ERG: variants seen among roughly 807,000 people sequenced by gnomAD.
ERG encodes the protein transcriptional regulator ERG.
ERG carries 9 observed loss-of-function variants against 55.3 expected under a neutral mutation model. The observed-to-expected ratio is 0.16, with a 90% CI of 0.10 to 0.28. The LOEUF (loss-of-function observed/expected upper bound fraction) is 0.28, where lower values mean the gene tolerates loss of function less well. Among genes scored for constraint, ERG ranks in the 10% least tolerant of loss-of-function variants. The probability of loss-of-function intolerance (pLI) is 1.00; values close to 1 mark genes in which losing one functional copy is unlikely to be tolerated. For missense variants in ERG, 434 were observed against 631.6 expected, an observed-to-expected ratio of 0.69 and a Z score of 3.35; for synonymous variants, 223 against 237.3, an observed-to-expected ratio of 0.94 and a Z score of 0.55.
intron 2 of ERG, among the ~76,000 whole-genome samples, chr21:38,523,263 C>A (rs2146753490): frequency 1.3e-5 from 2 of 152,286 alleles, no homozygotes; most frequent in East Asian, 3.9e-4. Flanking sequence ...CCTGCCTGAG[C>A]TTTCGACTTT....
intron 5 of ERG, 127 bp from the exon 6 acceptor site, chr21:38,400,772 A>G: frequency 1.6e-6 from 1 of 644,558 alleles, no homozygotes; most frequent in Non-Finnish European, 2.7e-6. Flanking sequence ...CTGCCTTAAC[A>G]GAGCTCCGGA....
intron 1 of ERG, among the ~76,000 whole-genome samples, chr21:38,611,386 A>G (rs954743383): frequency 2.0e-5 from 3 of 152,058 alleles, no homozygotes; most frequent in Admixed American, 6.6e-5. Context: ...GCCCTTAGGG[A>G]ACCTGGCAGC....
At chr21:38,387,792 A>G (rs1158993778) in intron 9 of ERG, among the ~76,000 whole-genome samples, 1 of 152,218 alleles carries the variant, frequency 6.6e-6, no homozygotes, top group Non-Finnish European at 1.5e-5. Context: ...TGTGCCATGC[A>G]CCATTCTAAA....
chr21:38,641,199 G>T (rs547053503), intron 1 of ERG, among the ~76,000 whole-genome samples: 1 of 152,140 alleles, frequency 6.6e-6, no homozygotes, highest in Non-Finnish European at 1.5e-5. Context: ...GAGCTGGGGG[G>T]CCTTTGGGAG....
At chr21:38,500,136 G>A (rs924787076), upstream of ERG, among the ~76,000 whole-genome samples, 3 of 152,214 alleles carry the variant, frequency 2.0e-5, no homozygotes, top group Admixed American at 6.5e-5. Context: ...GCTTCCCTGA[G>A]TGTCCTTGCT....
chr21:38,558,326 TTA>T (rs752239560), intron 2 of ERG, among the ~76,000 whole-genome samples: 31 of 152,170 alleles, frequency 2.0e-4, no homozygotes, highest in Non-Finnish European at 2.8e-4. Context: ...GCAAGAAACT[TTA>T]AACTGAATAG....
At chr21:38,481,715 A>T (rs966971603) in intron 1 of ERG, among the ~76,000 whole-genome samples, 4 of 152,220 alleles carry the variant, frequency 2.6e-5, no homozygotes, top group Non-Finnish European at 5.9e-5. Flanking sequence ...CTGTGTTGTA[A>T]TTTGCCTGAT....
At chr21:38,405,043 A>C (rs1240691484) in intron 3 of ERG, among the ~76,000 whole-genome samples, 1 of 152,066 alleles carries the variant, frequency 6.6e-6, no homozygotes, top group Non-Finnish European at 1.5e-5. Context: ...GCTACATAGA[A>C]GAAAGAAATT....
chr21:38,550,359 A>G (rs1482076893), intron 2 of ERG, among the ~76,000 whole-genome samples: 2 of 152,158 alleles, frequency 1.3e-5, no homozygotes, highest in South Asian at 2.1e-4. Flanking sequence ...GTGTTTGTCA[A>G]CTGCAATGTG....
At chr21:38,424,204 C>CTCTCTCTCTG (rs1420833564) in intron 2 of ERG, among the ~76,000 whole-genome samples, 1 of 146,084 alleles carries the variant, frequency 6.8e-6, no homozygotes, top group African/African-American at 2.4e-5. Context: ...CTCTCTCTCT[C>CTCTCTCTCTG]TCTCTCTCTC....
At chr21:38,485,873 A>G (rs903169460) in intron 1 of ERG, among the ~76,000 whole-genome samples, 5 of 151,968 alleles carry the variant, frequency 3.3e-5, no homozygotes, top group Non-Finnish European at 5.9e-5. Context: ...TGCAAGCTCC[A>G]TTCATGGTAA....
intron 1 of ERG, among the ~76,000 whole-genome samples, chr21:38,631,922 A>G (rs1439031307): frequency 6.6e-6 from 1 of 151,996 alleles, no homozygotes; most frequent in African/African-American, 2.4e-5. Context: ...TTCTGCTTGA[A>G]TCATCACTCC....
At chr21:38,412,800 G>A (rs1432757425) in intron 3 of ERG, among the ~76,000 whole-genome samples, 2 of 151,928 alleles carry the variant, frequency 1.3e-5, no homozygotes, top group African/African-American at 4.8e-5. Flanking sequence ...TTGGTTGGGG[G>A]AGATCTCTCT....
At position 38,382,401 on chromosome 21, in the gene ERG, A is replaced by G. The variant is rs1987487185; in HGVS notation, c.*1002T>C. 1.4e-5 allele frequency: 15 copies of G among 1,060,430 alleles called. No homozygotes were observed. The South Asian group carries it at 6.4e-4, about 45-fold the overall frequency. The allele number at this position is 1,060,430 out of a possible 1,614,324, so 65.7% of individuals were successfully genotyped here. On this transcript the variant is annotated 3_prime_UTR_variant, in exon 10 of 10. Transcript: ENST00000288319. ...CTGTGGAGAACAAAGCCCCCACATA[A>G]TGATGAGGTCCTGAATGTTTCTCTT...
intron 2 of ERG, 109 bp from the exon 3 acceptor site, chr21:38,423,670 T>C (rs916993900): frequency 8.3e-7 from 1 of 1,209,648 alleles, no homozygotes; most frequent in South Asian, 1.5e-5. Flanking sequence ...CGGAAGAGAC[T>C]GGGGGAGAAA....
At chr21:38,549,897 C>A (rs926720393) in intron 2 of ERG, among the ~76,000 whole-genome samples, 9 of 152,164 alleles carry the variant, frequency 5.9e-5, no homozygotes, top group African/African-American at 2.2e-4. Context: ...AGTCACTGAG[C>A]CCCTGCCTTC....
chr21:38,410,836 A>C (rs1989014869), intron 3 of ERG, among the ~76,000 whole-genome samples: 1 of 152,258 alleles, frequency 6.6e-6, no homozygotes, highest in Admixed American at 6.5e-5. Flanking sequence ...GGTGATAATG[A>C]AAGTCCTGAA....
At chr21:38,553,091 T>A (rs1191487511) in intron 2 of ERG, among the ~76,000 whole-genome samples, 1 of 151,912 alleles carries the variant, frequency 6.6e-6, no homozygotes. Flanking sequence ...CCATTCAAAA[T>A]AGCAACAAAA....
intron 1 of ERG, among the ~76,000 whole-genome samples, chr21:38,580,479 C>T (rs2060022078): frequency 1.3e-5 from 2 of 152,134 alleles, no homozygotes; most frequent in Admixed American, 1.3e-4. Context: ...TTCTATTTTA[C>T]CTGCCTTTGA....
Sources: allele counts gnomAD v4.1 joint callset (sites outside exome capture counted in the v4.1 genomes callset), GRCh38; gene constraint gnomAD v4.1.1; transcripts MANE v1.5; gene names NCBI Gene and HGNC (gene_info 2026-07-23, HGNC 2026-07-21).